CCDC144A: variants seen among roughly 807,000 people sequenced by gnomAD.
CCDC144A encodes coiled-coil domain-containing protein 144A.
CCDC144A carries 41 observed loss-of-function variants against 143.8 expected under a neutral mutation model. The ratio of observed to expected loss-of-function variants is 0.29; its 90% CI spans 0.22 to 0.37. CCDC144A has a LOEUF of 0.37. Among genes scored for constraint, CCDC144A ranks in the 10% least tolerant of loss-of-function variants. The probability of loss-of-function intolerance (pLI) is 1.00; values close to 1 mark genes in which losing one functional copy is unlikely to be tolerated. For synonymous variants in CCDC144A, 242 were observed against 517.9 expected (o/e 0.47, Z 7.23); for missense variants, 637 against 1,488.8 (o/e 0.43, Z 9.41).
chr17:16,758,222 A>G (rs1395251929), intron 12 of CCDC144A, among the ~76,000 whole-genome samples: 1 of 152,232 alleles, frequency 6.6e-6, no homozygotes, highest in Non-Finnish European at 1.5e-5. Flanking sequence ...CTAATTTCTA[A>G]TTATTACCTC....
chr17:16,721,208 G>A (rs1913073858), intron 8 of CCDC144A, among the ~76,000 whole-genome samples: 1 of 152,110 alleles, frequency 6.6e-6, no homozygotes, highest in Admixed American at 6.5e-5. Flanking sequence ...AGGTATAACT[G>A]ATATGTGATA....
intron 12 of CCDC144A, chr17:16,746,291 C>CAAA: frequency 1.3e-6 from 1 of 770,142 alleles, no homozygotes; most frequent in Non-Finnish European, 1.8e-6. Context: ...TTTTTTGCAT[C>CAAA]TTTCTTCTTT....
chr17:16,678,581 T>TTTTG, the CCDC144A span, among the ~76,000 whole-genome samples: 2 of 136,396 alleles, frequency 1.5e-5, no homozygotes, highest in African/African-American at 5.9e-5. Context: ...TTTCTTTTTC[T>TTTTG]TTTCTTTTTT....
At chr17:16,736,235 C>CTTTTT (rs71214289) in intron 12 of CCDC144A, among the ~76,000 whole-genome samples, 7 of 98,174 alleles carry the variant, frequency 7.1e-5, no homozygotes, top group Admixed American at 1.0e-4. Flanking sequence ...AAGGCATTTA[C>CTTTTT]TTTTTTTTTT....
chr17:16,688,484 G>GTTT (rs66493875), upstream of CCDC144A, among the ~76,000 whole-genome samples: 416 of 71,604 alleles, frequency 5.8e-3, 13 homozygotes, highest in African/African-American at 7.7e-3. Flanking sequence ...TTCTTTTTCT[G>GTTT]TTTTTTTTTT....
the CCDC144A span, among the ~76,000 whole-genome samples, chr17:16,676,403 C>T: frequency 1.4e-3 from 204 of 150,686 alleles, no homozygotes; most frequent in African/African-American, 3.9e-3. Context: ...CCCAGCTACT[C>T]GGGAGGCTGA....
At chr17:16,727,463 GCA>G (rs1913483837) in intron 8 of CCDC144A, 62 bp from the exon 9 acceptor site, 5 of 433,888 alleles carry the variant, frequency 1.2e-5, no homozygotes, top group Non-Finnish European at 2.0e-5. Context: ...TGTTAAAAAT[GCA>G]CAGTTTTTTA....
intron 2 of CCDC144A, among the ~76,000 whole-genome samples, chr17:16,697,275 G>C (rs1911472417): frequency 1.3e-5 from 2 of 152,076 alleles, no homozygotes; most frequent in Non-Finnish European, 2.9e-5. Context: ...TTTCTGTACA[G>C]GGCTTTTTCA....
At chr17:16,724,936 C>T (rs1374847533) in intron 8 of CCDC144A, among the ~76,000 whole-genome samples, 1 of 146,478 alleles carries the variant, frequency 6.8e-6, no homozygotes, top group Non-Finnish European at 1.5e-5. Flanking sequence ...CAGGCATGAG[C>T]CACCGCGCCC....
At chr17:16,757,527 A>G (rs948019841) in intron 12 of CCDC144A, among the ~76,000 whole-genome samples, 1 of 152,236 alleles carries the variant, frequency 6.6e-6, no homozygotes, top group African/African-American at 2.4e-5. Context: ...AGGGTCCTGG[A>G]CAGTGTATGT....
At chr17:16,716,037 C>T (rs937065152) in intron 6 of CCDC144A, among the ~76,000 whole-genome samples, 13 of 152,148 alleles carry the variant, frequency 8.5e-5, no homozygotes, top group Admixed American at 7.2e-4. Context: ...CAACTTTAAA[C>T]TGCAGTTTTC....
chr17:16,714,838 C>T (rs1402905860), intron 6 of CCDC144A, among the ~76,000 whole-genome samples: 2 of 151,908 alleles, frequency 1.3e-5, no homozygotes, highest in Non-Finnish European at 2.9e-5. Flanking sequence ...ACTTAAACTT[C>T]TGTTTCTTAT....
intron 16 of CCDC144A, among the ~76,000 whole-genome samples, chr17:16,773,107 C>G (rs1252967367): frequency 3.9e-5 from 6 of 151,926 alleles, no homozygotes; most frequent in Non-Finnish European, 7.4e-5. Context: ...AAAAAGCTCT[C>G]AACTCTTTTT....
intron 15 of CCDC144A, chr17:16,764,920 A>G (rs1915531154): frequency 7.4e-6 from 1 of 134,984 alleles, no homozygotes; most frequent in Admixed American, 7.7e-5. Flanking sequence ...ATTGATGACT[A>G]AGATGGCAAT....
intron 12 of CCDC144A, among the ~76,000 whole-genome samples, chr17:16,737,863 CTCA>C (rs1283616572): frequency 6.6e-6 from 1 of 151,898 alleles, no homozygotes; most frequent in Non-Finnish European, 1.5e-5. Context: ...TCTTTTTCTC[CTCA>C]TAAGTACATA....
chr17:16,725,002 ATTTTTTTTTTTTTTTT>A (rs1167527388), intron 8 of CCDC144A, among the ~76,000 whole-genome samples: 1 of 37,268 alleles, frequency 2.7e-5, no homozygotes, highest in African/African-American at 8.3e-5. Flanking sequence ...ATAGCTGGTA[ATTTTTTTTTTTTTTTT>A]TTTTTTTTTT....
In CCDC144A at chr17:16,709,188, T is replaced by C; in HGVS notation, c.1131T>C (p.Tyr377=). The change falls in exon 5 of 17, where the codon TAT becomes TAC. Residue 377 remains tyrosine (Y), a synonymous_variant. Coordinates refer to ENST00000399273, the MANE Select transcript of CCDC144A (RefSeq NM_001382000.1). ...PSLKNIIHPY[Y]HPYSGSQEHV... ...TCAAAAATATCATCCATCCATACTA[T>C]CATCCATACTCTGGGTCCCAGGAAC... 1 of 1,611,758 alleles carries C rather than the reference T, an allele frequency of 6.2e-7. No individual in the cohort carries two copies. Among genetic ancestry groups the C allele is most frequent in the Non-Finnish European group, 8.5e-7 (1 of 1,179,672 alleles).
At chr17:16,699,804 G>A (rs1911629817) in intron 2 of CCDC144A, among the ~76,000 whole-genome samples, 1 of 151,440 alleles carries the variant, frequency 6.6e-6, no homozygotes, top group Non-Finnish European at 1.5e-5. Flanking sequence ...TTTTTAATTG[G>A]GTTAAAATAG....
chr17:16,739,722 G>T (rs1914176709), intron 12 of CCDC144A, among the ~76,000 whole-genome samples: 1 of 152,110 alleles, frequency 6.6e-6, no homozygotes, highest in Admixed American at 6.6e-5. Context: ...CCATAAAAAT[G>T]TGTGTTTGTT....
Sources: gnomAD v4.1 joint callset for allele counts (sites outside exome capture counted in the v4.1 genomes callset) on GRCh38, gnomAD v4.1.1 for gene constraint, MANE v1.5 for transcripts, NCBI Gene and HGNC (gene_info 2026-07-23, HGNC 2026-07-21) for gene names.